CLNK: variants seen among roughly 807,000 people sequenced by gnomAD.
CLNK encodes cytokine dependent hematopoietic cell linker, also known as cytokine-dependent hematopoietic cell linker.
CLNK carries 74 observed loss-of-function variants against 68.6 expected under a neutral mutation model. The ratio of observed to expected loss-of-function variants is 1.08; its 90% CI spans 0.89 to 1.31. The LOEUF is 1.31. Ranked by LOEUF, CLNK falls within the 50% of genes most tolerant of loss-of-function variation. The pLI, the probability that CLNK is intolerant of heterozygous loss-of-function variation, is 0.00. For missense variants in CLNK, 553 were observed against 515.3 expected, an observed-to-expected ratio of 1.07 and a Z score of -0.71; for synonymous variants, 198 against 172.2, an observed-to-expected ratio of 1.15 and a Z score of -1.17.
chr4:10,528,836 T>C (rs1369434776), intron 12 of CLNK, among the ~76,000 whole-genome samples: 1 of 152,236 alleles, frequency 6.6e-6, no homozygotes, highest in Non-Finnish European at 1.5e-5. Context: ...AATTTCTATT[T>C]TTAAAAATAA....
intron 4 of CLNK, among the ~76,000 whole-genome samples, chr4:10,579,170 C>A (rs1720689324): frequency 6.6e-6 from 1 of 152,120 alleles, no homozygotes; most frequent in African/African-American, 2.4e-5. Flanking sequence ...TGATTTTACC[C>A]CAGTGTAATG....
chr4:10,631,358 T>C (rs1333963365), intron 2 of CLNK, among the ~76,000 whole-genome samples: 1 of 152,156 alleles, frequency 6.6e-6, no homozygotes, highest in Non-Finnish European at 1.5e-5. Context: ...ACTCGGTAAG[T>C]AGAAGGCTGG....
rs778586290 is a variant in CLNK, at chr4:10,520,753, C to G, written c.772+38G>C. 6.5e-6 allele frequency: 10 copies of G among 1,530,680 alleles called. No homozygotes were observed. The African/African-American group carries it at 1.4e-4, about 21-fold the overall frequency. The allele number at this position is 1,530,680 out of a possible 1,614,324, so 94.8% of individuals were successfully genotyped here. On this transcript the variant is annotated intron_variant, in intron 15 of 18. Coordinates refer to ENST00000226951, the MANE Select transcript of CLNK (RefSeq NM_052964.4). ...GTGCCACAATATCACAGTATCGTGACTTACCTGTTTATTTTATAATTCTGA... is the reference window on the plus strand; with the variant it reads ...GTGCCACAATATCACAGTATCGTGAGTTACCTGTTTATTTTATAATTCTGA...
the CLNK span, among the ~76,000 whole-genome samples, chr4:10,705,881 G>A: frequency 6.6e-6 from 1 of 152,226 alleles, no homozygotes; most frequent in Non-Finnish European, 1.5e-5. Flanking sequence ...CGGGTAAAGA[G>A]CACGGGAAAA....
chr4:10,693,111 T>C, the CLNK span, among the ~76,000 whole-genome samples: 1 of 152,188 alleles, frequency 6.6e-6, no homozygotes, highest in Non-Finnish European at 1.5e-5. Flanking sequence ...ACTTGCAAGA[T>C]AGCTGTTTTA....
Position 10,495,708 on chromosome 4 carries a change from C to T in CLNK, c.1141-5095G>A, listed in dbSNP as rs1361255633. ...CTTATCCGAGGTTATCCCAGTAGGC[C>T]CTAAAAGCAATCATGTGTTTCTTCA... is the stretch of plus-strand genomic sequence containing the variant. On this transcript the variant is annotated intron_variant, in intron 18 of 18. Coordinates refer to ENST00000226951, the MANE Select transcript of CLNK (RefSeq NM_052964.4). 4.0e-5 allele frequency among the ~76,000 whole-genome samples: 6 copies of T among 151,894 alleles called. No homozygotes were observed. The East Asian group carries it at 1.2e-3, about 29-fold the overall frequency.
At chr4:10,577,085 T>A (rs1185007637) in intron 4 of CLNK, among the ~76,000 whole-genome samples, 1 of 152,162 alleles carries the variant, frequency 6.6e-6, no homozygotes. Context: ...TCATCTTGCA[T>A]GAGAAGAGAA....
chr4:10,654,048 T>C (rs985305581), intron 2 of CLNK, among the ~76,000 whole-genome samples: 2 of 144,460 alleles, frequency 1.4e-5, no homozygotes, highest in African/African-American at 4.9e-5. Context: ...CCCCATTACA[T>C]AGTCTCTTGT....
At chr4:10,508,539 T>G (rs1717414017) in intron 16 of CLNK, among the ~76,000 whole-genome samples, 2 of 152,222 alleles carry the variant, frequency 1.3e-5, no homozygotes, top group Admixed American at 6.5e-5. Context: ...CGCACTGCTT[T>G]ATTTATATCA....
the CLNK span, among the ~76,000 whole-genome samples, chr4:10,733,155 G>A: frequency 6.6e-6 from 1 of 152,006 alleles, no homozygotes; most frequent in African/African-American, 2.4e-5. Flanking sequence ...ACAGCTTCCT[G>A]TCTCCTCAGC....
intron 8 of CLNK, among the ~76,000 whole-genome samples, chr4:10,548,643 C>T (rs1182743495): frequency 6.6e-6 from 1 of 152,046 alleles, no homozygotes; most frequent in Non-Finnish European, 1.5e-5. Flanking sequence ...TTGGGTATAC[C>T]CCAAGTTGAT....
In CLNK at chr4:10,663,861, C is replaced by G. The variant is rs553183636; in HGVS notation, c.11+3998G>C. Among the ~76,000 whole-genome samples, 5 of 152,224 alleles carry G rather than the reference C, an allele frequency of 3.3e-5. No individual in the cohort carries two copies. The South Asian group carries it at 1.0e-3, about 32-fold the overall frequency. ...AAACTCCCGTGAAATGAGATTAGCA[C>G]CCTTATAAAAGAGGTCCCAGAGACA... On this transcript the variant is annotated intron_variant, in intron 2 of 18. Coordinates refer to ENST00000226951, the MANE Select transcript of CLNK (RefSeq NM_052964.4).
chr4:10,679,765 T>A (rs1015595199), intron 1 of CLNK, among the ~76,000 whole-genome samples: 8 of 151,852 alleles, frequency 5.3e-5, no homozygotes, highest in Admixed American at 6.6e-5. Flanking sequence ...CACATGAAAA[T>A]ATGCTCATCA....
At chr4:10,668,143 C>A (rs1405805417) in intron 1 of CLNK, among the ~76,000 whole-genome samples, 2 of 152,104 alleles carry the variant, frequency 1.3e-5, no homozygotes, top group African/African-American at 4.8e-5. Context: ...TCCCATCTGC[C>A]CCCGGGAGCT....
At chr4:10,689,480 A>C (rs1253946504), upstream of CLNK, among the ~76,000 whole-genome samples, 1 of 152,144 alleles carries the variant, frequency 6.6e-6, no homozygotes, top group Admixed American at 6.5e-5. Flanking sequence ...TGAAGAAAGA[A>C]GTCTTTGGTT....
In CLNK at chr4:10,538,861, A is replaced by C. The variant is rs1472940823; in HGVS notation, c.602+1633T>G. On this transcript the variant is annotated intron_variant, in intron 11 of 18. Transcript: ENST00000226951. ...AATGGAGAAGGGCCCAAGGTAATAA[A>C]AGTGCAATAAGTGTTGGTTAAAAAT... Among the ~76,000 whole-genome samples the C allele has an allele frequency of 2.0e-5, 3 of 152,192 alleles. No homozygotes were observed. In the East Asian group the frequency reaches 5.8e-4, roughly 29 times the overall value.
chr4:10,508,905 G>T (rs900879930), intron 16 of CLNK, among the ~76,000 whole-genome samples: 78 of 152,126 alleles, frequency 5.1e-4, no homozygotes, highest in African/African-American at 1.8e-3. Flanking sequence ...TCAGGAGATC[G>T]AGACCATCCT....
the CLNK span, among the ~76,000 whole-genome samples, chr4:10,694,477 T>C: frequency 1.3e-5 from 2 of 152,140 alleles, no homozygotes; most frequent in African/African-American, 4.8e-5. Context: ...CTGTACCTTT[T>C]TCATGTTGGA....
At chr4:10,564,905 T>C in intron 6 of CLNK, 128 bp from the exon 7 acceptor site, 2 of 666,478 alleles carry the variant, frequency 3.0e-6, no homozygotes, top group Non-Finnish European at 2.7e-6. Context: ...CAATTCTGCT[T>C]TCATTTAACA....
Sources: allele counts gnomAD v4.1 joint callset (sites outside exome capture counted in the v4.1 genomes callset), GRCh38; gene constraint gnomAD v4.1.1; transcripts MANE v1.5; gene names NCBI Gene and HGNC (gene_info 2026-07-23, HGNC 2026-07-21).